Variants in PAPPA observed in about 807,000 individuals in gnomAD.
The protein encoded by PAPPA is pappalysin-1.
PAPPA carries 60 observed loss-of-function variants against 164.0 expected under a neutral mutation model. The ratio of observed to expected loss-of-function variants is 0.37; its 90% CI spans 0.30 to 0.45. The LOEUF (loss-of-function observed/expected upper bound fraction) is 0.45. Ranked by LOEUF, PAPPA falls within the 20% of genes least tolerant of loss-of-function variation. PAPPA has a pLI of 1.00. For synonymous variants in PAPPA, 875 were observed against 814.1 expected (o/e 1.07, Z -1.27); for missense variants, 1,782 against 2,087.3 (o/e 0.85, Z 2.85).
rs147677353 is a variant in PAPPA at position 116,220,167 on chromosome 9, T to C, written c.2111+38T>C. The C allele has an allele frequency of 2.0e-6, 3 of 1,472,172 alleles. No individual in the cohort carries two copies. The African/African-American group carries it at 4.2e-5, about 21-fold the overall frequency. 91.2% of individuals were successfully genotyped at this position (1,472,172 alleles called of 1,614,324 possible). The stretch of plus-strand genomic sequence containing the variant: ...TGTGTAGTGTTGATCCCTCTCTCTC[T>C]CTCCTGCCAAGAAGAAGGAAACTTG... On this transcript the variant is annotated intron_variant, in intron 5 of 21. Coordinates refer to ENST00000328252, the MANE Select transcript of PAPPA (RefSeq NM_002581.5).
At chr9:116,161,458 C>T (rs1301285440) in intron 1 of PAPPA, among the ~76,000 whole-genome samples, 1 of 152,184 alleles carries the variant, frequency 6.6e-6, no homozygotes, top group African/African-American at 2.4e-5. Flanking sequence ...TCTCTCCTTC[C>T]CTTCACCTTA....
At chr9:116,296,857 T>G (rs915466328) in intron 9 of PAPPA, among the ~76,000 whole-genome samples, 1 of 150,152 alleles carries the variant, frequency 6.7e-6, no homozygotes, top group Non-Finnish European at 1.5e-5. Context: ...TATTTTTATG[T>G]GTTTATTTTT....
chr9:116,165,042 A>G (rs1843705647), intron 1 of PAPPA, among the ~76,000 whole-genome samples: 1 of 152,170 alleles, frequency 6.6e-6, no homozygotes, highest in African/African-American at 2.4e-5. Flanking sequence ...CCATTGACTG[A>G]TAACATCTTA....
chr9:116,162,672 A>G (rs2118977351), intron 1 of PAPPA, among the ~76,000 whole-genome samples: 1 of 152,320 alleles, frequency 6.6e-6, no homozygotes, highest in Admixed American at 6.5e-5. Context: ...CTGGGCCTCC[A>G]TGTGGAAAAT....
intron 10 of PAPPA, among the ~76,000 whole-genome samples, chr9:116,320,767 G>GTGTGT (rs984941209): frequency 3.3e-5 from 5 of 152,122 alleles, no homozygotes; most frequent in Admixed American, 2.0e-4. Context: ...GTGTGTGCCT[G>GTGTGT]TGTGTTGTGT....
chr9:116,266,354 G>A (rs1845067682), intron 8 of PAPPA, among the ~76,000 whole-genome samples: 1 of 152,096 alleles, frequency 6.6e-6, no homozygotes. Flanking sequence ...GTTCATCTAG[G>A]TTAAAACACT....
chr9:116,347,852 G>A lies in PAPPA; in HGVS notation c.3964+643G>A, dbSNP rs1846232161. Among the ~76,000 whole-genome samples the A allele has an allele frequency of 6.6e-6, 1 of 152,138 alleles. No homozygotes were observed. The highest frequency in any genetic ancestry group is 6.5e-5 in the Admixed American group (1 of 15,284). The stretch of plus-strand genomic sequence containing the variant: ...ATACCAGAGAAGAGGTCACATTTTA[G>A]AAAAAAGTGAGTAGCTGGCCTGGGT... On this transcript the variant is annotated intron_variant, in intron 15 of 21. Transcript: ENST00000328252. This position sits in a 1 kb window ranked among gnomAD's most constrained non-coding sequence, Gnocchi z 4.5.
intron 17 of PAPPA, among the ~76,000 whole-genome samples, chr9:116,356,942 C>T (rs1846362260): frequency 6.6e-6 from 1 of 152,110 alleles, no homozygotes; most frequent in African/African-American, 2.4e-5. Context: ...CACATGTATC[C>T]CAGAACTTAA....
At chr9:116,313,212 C>T (rs772132153) in intron 10 of PAPPA, among the ~76,000 whole-genome samples, 1 of 152,082 alleles carries the variant, frequency 6.6e-6, no homozygotes, top group Non-Finnish European at 1.5e-5. Context: ...AGAAATGGGC[C>T]CAGAGAGGCC....
At chr9:116,282,029 C>A (rs1845274064) in intron 9 of PAPPA, among the ~76,000 whole-genome samples, 1 of 152,158 alleles carries the variant, frequency 6.6e-6, no homozygotes, top group African/African-American at 2.4e-5. Context: ...CACCAGATGA[C>A]CTCCTCCAAA....
chr9:116,297,693 C>T (rs1845526441), intron 9 of PAPPA, among the ~76,000 whole-genome samples: 1 of 152,164 alleles, frequency 6.6e-6, no homozygotes, highest in Non-Finnish European at 1.5e-5. Context: ...GAAAATAGCT[C>T]ATGCATCCTC....
chr9:116,255,381 T>A lies in PAPPA; in HGVS notation c.2733-10476T>A, dbSNP rs548621074. ...CTGCCTTTCAGGTTTATATTAGAAA[T>A]AGTATGGAAAATTTGGTAAAGTAAC... On this transcript the variant is annotated intron_variant, in intron 7 of 21. Transcript: ENST00000328252. Among the ~76,000 whole-genome samples, 3 of 152,184 alleles carry A rather than the reference T, an allele frequency of 2.0e-5. No individual in the cohort carries two copies. The South Asian group carries it at 6.3e-4, about 32-fold the overall frequency.
intron 18 of PAPPA, 60 bp from the exon 19 acceptor site, chr9:116,367,585 C>A: frequency 8.1e-7 from 1 of 1,232,752 alleles, no homozygotes; most frequent in Non-Finnish European, 1.2e-6. Flanking sequence ...TGCAGGAGGG[C>A]AGTTTGCAGA....
intron 4 of PAPPA, 30 bp downstream of exon 4, chr9:116,211,962 G>C (rs1844313775): frequency 6.3e-7 from 1 of 1,586,016 alleles, no homozygotes; most frequent in Non-Finnish European, 8.6e-7. Flanking sequence ...AGGGTGAACA[G>C]GTCTGGATGT....
chr9:116,262,794 A>C (rs1845018422), intron 7 of PAPPA, among the ~76,000 whole-genome samples: 1 of 152,192 alleles, frequency 6.6e-6, no homozygotes, highest in East Asian at 1.9e-4. Flanking sequence ...GCTGAAAGGA[A>C]CAACTTGACA....
intron 7 of PAPPA, among the ~76,000 whole-genome samples, chr9:116,251,244 C>T (rs896283762): frequency 6.6e-6 from 1 of 152,144 alleles, no homozygotes; most frequent in Non-Finnish European, 1.5e-5. Flanking sequence ...ATAAGGATTA[C>T]ATTTTCCCCA....
intron 8 of PAPPA, among the ~76,000 whole-genome samples, chr9:116,269,580 G>A (rs1038448832): frequency 3.9e-5 from 6 of 152,152 alleles, no homozygotes; most frequent in South Asian, 2.1e-4. Flanking sequence ...ATGGCCACCC[G>A]CTCCAGCCCC....
Position 116,187,231 on chromosome 9 carries a change from A to G in PAPPA, c.493A>G (p.Asn165Asp), listed in dbSNP as rs1395455623. The G allele has an allele frequency of 1.2e-6, 2 of 1,614,150 alleles. No individual in the cohort carries two copies. The highest frequency in any genetic ancestry group is 8.5e-7 in the Non-Finnish European group (1 of 1,180,038). The change falls in exon 2 of 22, where the codon AAC becomes GAC. Residue 165 changes from asparagine to aspartate, a missense_variant. By Grantham distance (23) the Asn-to-Asp change is conservative. Around this residue, in one of 2 missense-constraint regions of PAPPA, gnomAD observed 458 missense variants for 430.3 expected, o/e 1.06. Transcript: ENST00000328252. This position sits in a 1 kb window ranked among gnomAD's most constrained non-coding sequence, Gnocchi z 4.2. ...VGIHTISDQD[N>D]KDPRYFFSLK... Reference sequence around the variant, plus strand: ...CATTCACACCATCAGTGACCAAGACAACAAAGACCCACGCTACTTTTTCTC... The same window carrying G: ...CATTCACACCATCAGTGACCAAGACGACAAAGACCCACGCTACTTTTTCTC...
At chr9:116,263,067 GT>G (rs1278260249) in intron 7 of PAPPA, among the ~76,000 whole-genome samples, 1 of 152,118 alleles carries the variant, frequency 6.6e-6, no homozygotes, top group Non-Finnish European at 1.5e-5. Context: ...AGTGACTTGG[GT>G]TTTTATTTTT....
Sources: allele counts gnomAD v4.1 joint callset (sites outside exome capture counted in the v4.1 genomes callset), GRCh38; gene constraint gnomAD v4.1.1; regional missense constraint gnomAD v4.1.1; non-coding constraint Gnocchi (gnomAD v3.1); transcripts MANE v1.5; gene names NCBI Gene and HGNC (gene_info 2026-07-23, HGNC 2026-07-21).